Variants in PEAK1 observed in about 807,000 individuals in gnomAD.
PEAK1 encodes the protein pseudopodium enriched atypical kinase 1, also known as inactive tyrosine-protein kinase PEAK1.
PEAK1 carries 54 observed loss-of-function variants against 124.7 expected under a neutral mutation model. The ratio of observed to expected loss-of-function variants is 0.43; its 90% CI spans 0.35 to 0.54. The LOEUF is 0.54. Ranked by LOEUF, PEAK1 falls within the 20% of genes least tolerant of loss-of-function variation. The pLI is 0.01. For synonymous variants in PEAK1, 719 were observed against 760.0 expected (o/e 0.95, Z 0.89); for missense variants, 2,046 against 2,134.5 (o/e 0.96, Z 0.82).
chr15:77,324,640 A>C (rs2065454030), intron 2 of PEAK1, among the ~76,000 whole-genome samples: 1 of 152,198 alleles, frequency 6.6e-6, no homozygotes, highest in Non-Finnish European at 1.5e-5. Context: ...GGTTCTGGGA[A>C]GGCTTCAGGA....
At chr15:77,274,854 A>G (rs2062227661) in intron 5 of PEAK1, among the ~76,000 whole-genome samples, 1 of 152,168 alleles carries the variant, frequency 6.6e-6, no homozygotes, top group African/African-American at 2.4e-5. Context: ...TACAAAAAAG[A>G]TACTTGCACA....
intron 8 of PEAK1, 96 bp downstream of exon 8, chr15:77,158,406 TG>T (rs2055342368): frequency 1.7e-6 from 2 of 1,162,796 alleles, no homozygotes; most frequent in South Asian, 2.8e-5. Context: ...TTCTGCTTCA[TG>T]GAGCAATAAA....
chr15:77,147,821 C>T (rs1393974034), intron 8 of PEAK1, among the ~76,000 whole-genome samples: 1 of 152,080 alleles, frequency 6.6e-6, no homozygotes, highest in Non-Finnish European at 1.5e-5. Flanking sequence ...TATAAATCCC[C>T]CAAATAACAC....
intron 2 of PEAK1, among the ~76,000 whole-genome samples, chr15:77,356,699 A>G (rs1229960621): frequency 6.6e-6 from 1 of 152,172 alleles, no homozygotes; most frequent in Admixed American, 6.5e-5. Flanking sequence ...ACAATAACCC[A>G]GTTTTTATAC....
intron 2 of PEAK1, among the ~76,000 whole-genome samples, chr15:77,364,004 G>T (rs2068063126): frequency 6.6e-6 from 1 of 151,994 alleles, no homozygotes; most frequent in Non-Finnish European, 1.5e-5. Context: ...GTCAAGACCA[G>T]CCTGGACAAC....
intron 1 of PEAK1, chr15:77,402,318 AAGG>A: frequency 2.0e-6 from 2 of 985,328 alleles, no homozygotes; most frequent in African/African-American, 3.5e-5. Context: ...TCGGGGAGAA[AAGG>A]AGATCAAGGG....
chr15:77,243,023 G>A lies in PEAK1; in HGVS notation c.-115+9344C>T, dbSNP rs376270914. Reference sequence around the variant, plus strand: ...GTACCAATTAACTAGGCCCAACATTGTGAATATGTTTCAATTAAGAAAAAT... The same window carrying A: ...GTACCAATTAACTAGGCCCAACATTATGAATATGTTTCAATTAAGAAAAAT... On this transcript the variant is annotated intron_variant, in intron 6 of 9. Coordinates refer to ENST00000682557, the MANE Select transcript of PEAK1 (RefSeq NM_001385026.1). 6.6e-5 allele frequency among the ~76,000 whole-genome samples: 10 copies of A among 152,250 alleles called. No individual in the cohort carries two copies. In the East Asian group the frequency reaches 1.7e-3, roughly 26 times the overall value.
At chr15:77,375,766 C>A (rs562778995) in intron 1 of PEAK1, among the ~76,000 whole-genome samples, 1 of 152,028 alleles carries the variant, frequency 6.6e-6, no homozygotes, top group Non-Finnish European at 1.5e-5. Flanking sequence ...GAGGCCGAGG[C>A]GGGTGGATCA....
intron 8 of PEAK1, chr15:77,158,224 T>C (rs934527371): frequency 1.1e-5 from 4 of 354,846 alleles, no homozygotes; most frequent in Non-Finnish European, 2.1e-5. Flanking sequence ...TATATTACAC[T>C]GAAATAATTA....
intron 1 of PEAK1, among the ~76,000 whole-genome samples, chr15:77,395,824 A>G (rs62007266): frequency 0.099 from 15,109 of 152,208 alleles, 829 homozygotes; most frequent in African/African-American, 0.11. Flanking sequence ...GCTAATAGGA[A>G]TTCTTCAATC....
At chr15:77,203,740 A>G (rs1596591822) in intron 6 of PEAK1, among the ~76,000 whole-genome samples, 2 of 152,146 alleles carry the variant, frequency 1.3e-5, no homozygotes, top group East Asian at 3.8e-4. Context: ...CAATACAGAT[A>G]CTATATCCTT....
chr15:77,140,410 T>C (rs1481025316), intron 8 of PEAK1, among the ~76,000 whole-genome samples: 2 of 152,222 alleles, frequency 1.3e-5, no homozygotes, highest in Non-Finnish European at 2.9e-5. Context: ...GTGGGATTTA[T>C]TCCAGGAATG....
At position 77,181,674 on chromosome 15, in the gene PEAK1, T is replaced by G. The variant is rs781395613; in HGVS notation, c.253A>C (p.Ile85Leu). The G allele has an allele frequency of 3.7e-6, 6 of 1,614,056 alleles. No individual in the cohort carries two copies. The highest frequency in any genetic ancestry group is 1.3e-5 in the African/African-American group (1 of 74,936). Residue 85 changes from isoleucine to leucine, a missense_variant, in exon 7 of 10, where the codon ATA (isoleucine) becomes CTA (leucine). Coordinates refer to ENST00000682557, the MANE Select transcript of PEAK1 (RefSeq NM_001385026.1). ...PTMIVADGQSICGELSIQEHC... is the reference protein window; with the variant it reads ...PTMIVADGQSLCGELSIQEHC... ...TCTTGGATGCTAAGCTCACCACATA[T>G]ACTTTGCCCATCTGCCACTATCATA...
chr15:77,261,387 G>A (rs1212594339), intron 5 of PEAK1, among the ~76,000 whole-genome samples: 3 of 152,066 alleles, frequency 2.0e-5, no homozygotes, highest in South Asian at 2.1e-4. Context: ...AAGATTAGAC[G>A]AATGGCTAAC....
intron 5 of PEAK1, among the ~76,000 whole-genome samples, chr15:77,263,280 A>AT (rs1419894663): frequency 6.6e-6 from 1 of 152,180 alleles, no homozygotes; most frequent in East Asian, 1.9e-4. Context: ...AAATAGACAC[A>AT]TAAAAAACAC....
intron 6 of PEAK1, among the ~76,000 whole-genome samples, chr15:77,230,515 G>A (rs557490026): frequency 6.6e-6 from 1 of 151,824 alleles, no homozygotes; most frequent in Non-Finnish European, 1.5e-5. Flanking sequence ...GAGTCTTAAT[G>A]AGGACAGATT....
chr15:77,286,512 A>G lies in PEAK1; in HGVS notation c.-602-8T>C. On this transcript the variant is annotated splice_region_variant and splice_polypyrimidine_tract_variant and intron_variant, in intron 2 of 9. Transcript: ENST00000682557. ...ATCTCAAGTATTCTTTTCCTATTAG[A>G]AGATGCAAAGTGGGGAAGATATATT... is the stretch of plus-strand genomic sequence containing the variant. The G allele has an allele frequency of 8.3e-7, 1 of 1,210,630 alleles. No individual in the cohort carries two copies. Among genetic ancestry groups the G allele is most frequent in the African/African-American group, 1.6e-5 (1 of 63,998 alleles). The allele number at this position is 1,210,630 out of a possible 1,614,324, so 75.0% of individuals were successfully genotyped here.
intron 7 of PEAK1, among the ~76,000 whole-genome samples, chr15:77,159,758 C>T (rs923545113): frequency 2.0e-5 from 3 of 152,116 alleles, no homozygotes; most frequent in South Asian, 2.1e-4. Flanking sequence ...TTTGTTTGAT[C>T]GTGTGCCATC....
rs760055004 is a variant in PEAK1, at chr15:77,114,156, T to G, written c.5241A>C (p.Ter1747TyrextTer5). ...AGTAAAAGCATCATCCAGGTACACA[T>G]TAACGGTGCTGCAGAATTTTCACAA... ...SCIVKILQHR[*>Y] The change falls in exon 10 of 10, where the codon TAA becomes TAC. Residue 1747 changes from the stop codon to tyrosine (Y), a stop_lost. Transcript: ENST00000682557. The G allele has an allele frequency of 1.2e-6, 2 of 1,613,264 alleles. No individual in the cohort carries two copies. The highest frequency in any genetic ancestry group is 1.3e-5 in the African/African-American group (1 of 74,920).
Sources: allele counts gnomAD v4.1 joint callset (sites outside exome capture counted in the v4.1 genomes callset), GRCh38; gene constraint gnomAD v4.1.1; transcripts MANE v1.5; gene names NCBI Gene and HGNC (gene_info 2026-07-23, HGNC 2026-07-21).